The following ACOT12 variants were observed in gnomAD, a reference collection of about 807,000 sequenced individuals.
ACOT12 encodes the protein acyl-CoA thioesterase 12.
In ACOT12, 51 loss-of-function variants were observed where a neutral mutation model predicts 67.7. The observed-to-expected ratio is 0.75, with a 90% CI of 0.60 to 0.95. The LOEUF (loss-of-function observed/expected upper bound fraction) is 0.95, where lower values mean the gene tolerates loss of function less well. Ranked by LOEUF, ACOT12 falls within the 40% of genes least tolerant of loss-of-function variation. The probability of loss-of-function intolerance (pLI) is 0.00; values close to 1 mark genes in which losing one functional copy is unlikely to be tolerated. For synonymous variants in ACOT12, 251 were observed against 244.6 expected (o/e 1.03, Z -0.24); for missense variants, 734 against 708.1 (o/e 1.04, Z -0.41).
At chr5:81,333,445 T>C (rs1758896148) in intron 12 of ACOT12, among the ~76,000 whole-genome samples, 2 of 152,192 alleles carry the variant, frequency 1.3e-5, no homozygotes, top group South Asian at 2.1e-4. Context: ...TAGATAATGA[T>C]ACGTGGGGTT....
At chr5:81,393,730 C>CA (rs536007812) in intron 1 of ACOT12, among the ~76,000 whole-genome samples, 1 of 151,628 alleles carries the variant, frequency 6.6e-6, no homozygotes, top group African/African-American at 2.4e-5. Flanking sequence ...AACAAACAAA[C>CA]AAAAAACCCC....
intron 2 of ACOT12, among the ~76,000 whole-genome samples, chr5:81,380,699 C>T (rs1007892386): frequency 6.6e-5 from 10 of 151,804 alleles, no homozygotes; most frequent in Admixed American, 6.6e-4. Context: ...TATAAATGTT[C>T]ATCAGTGGAG....
the ACOT12 span, among the ~76,000 whole-genome samples, chr5:81,320,559 G>T: frequency 6.6e-6 from 1 of 152,116 alleles, no homozygotes; most frequent in African/African-American, 2.4e-5. Flanking sequence ...TAAAAAATCT[G>T]CTGGCAACGG....
chr5:81,373,560 G>A (rs186081211), intron 2 of ACOT12, among the ~76,000 whole-genome samples: 30 of 152,296 alleles, frequency 2.0e-4, no homozygotes, highest in Admixed American at 1.6e-3. Context: ...CCAGGGAGCC[G>A]AGTGGTCTGG....
At chr5:81,353,745 G>A (rs561301417) in intron 5 of ACOT12, among the ~76,000 whole-genome samples, 11 of 151,996 alleles carry the variant, frequency 7.2e-5, no homozygotes, top group African/African-American at 2.2e-4. Context: ...CTTTTCTTCC[G>A]AAAGGATATG....
intron 4 of ACOT12, among the ~76,000 whole-genome samples, chr5:81,362,367 T>G (rs1759940755): frequency 6.6e-6 from 1 of 152,064 alleles, no homozygotes; most frequent in Non-Finnish European, 1.5e-5. Context: ...GGTTTCTCCA[T>G]GTTGGCCAGG....
chr5:81,332,507 AG>A lies in ACOT12; in HGVS notation c.1360del (p.Leu454SerfsTer18). 6.2e-7 allele frequency: 1 copy of A among 1,614,086 alleles called. No homozygotes were observed. The highest frequency in any genetic ancestry group is 8.5e-7 in the Non-Finnish European group (1 of 1,179,996). On this transcript the variant is annotated frameshift_variant, in exon 13 of 15. Transcript: ENST00000307624. LOFTEE classifies it high-confidence loss of function. ...TTTGAGGGGTTTTCTTCGTGATACG[AG>A]TACTACCAAGTCTTTGGGTTTGTCA... is the stretch of plus-strand genomic sequence containing the variant. The part of the protein sequence containing the change: ...NDDKPKDLVV[L>X]VSRRKPLKDG...
intron 12 of ACOT12, among the ~76,000 whole-genome samples, chr5:81,333,833 G>A (rs1758908184): frequency 6.6e-6 from 1 of 152,174 alleles, no homozygotes; most frequent in South Asian, 2.1e-4. Flanking sequence ...CTCCACCCTC[G>A]GGCCTGTGCC....
intron 1 of ACOT12, among the ~76,000 whole-genome samples, chr5:81,393,135 A>G (rs1760907134): frequency 6.6e-6 from 1 of 152,238 alleles, no homozygotes; most frequent in Non-Finnish European, 1.5e-5. Flanking sequence ...GGAGTTTTCC[A>G]GAGACTACAT....
chr5:81,368,375 A>C (rs1372586953), intron 3 of ACOT12, among the ~76,000 whole-genome samples: 1 of 152,192 alleles, frequency 6.6e-6, no homozygotes, highest in African/African-American at 2.4e-5. Context: ...AGAATACTTC[A>C]TTGACTATAA....
intron 5 of ACOT12, among the ~76,000 whole-genome samples, chr5:81,357,418 G>A (rs1337213716): frequency 1.3e-5 from 2 of 152,114 alleles, no homozygotes; most frequent in Non-Finnish European, 2.9e-5. Flanking sequence ...ACCAGTCAGT[G>A]TGGAAGTCTT....
the ACOT12 span, among the ~76,000 whole-genome samples, chr5:81,316,646 G>A: frequency 6.6e-6 from 1 of 152,168 alleles, no homozygotes; most frequent in Non-Finnish European, 1.5e-5. Flanking sequence ...ATTTTTCAAA[G>A]TGACTATACC....
chr5:81,338,911 T>C (rs1018696562), intron 11 of ACOT12, among the ~76,000 whole-genome samples: 1 of 152,094 alleles, frequency 6.6e-6, no homozygotes, highest in Non-Finnish European at 1.5e-5. Context: ...TGAAACCCTG[T>C]CTCTACTGAA....
intron 12 of ACOT12, 82 bp from the exon 13 acceptor site, chr5:81,332,687 A>G (rs930479627): frequency 1.3e-6 from 2 of 1,518,218 alleles, no homozygotes; most frequent in Admixed American, 1.7e-5. Flanking sequence ...ACATAATCTC[A>G]TTATTTGTAT....
chr5:81,343,739 A>C, intron 10 of ACOT12, 79 bp downstream of exon 10: 15 of 1,400,698 alleles, frequency 1.1e-5, no homozygotes, highest in Non-Finnish European at 1.3e-5. Flanking sequence ...GGCACAGCCT[A>C]GGCCAGTTAG....
chr5:81,338,781 G>T (rs1269276195), intron 11 of ACOT12, among the ~76,000 whole-genome samples: 1 of 152,042 alleles, frequency 6.6e-6, no homozygotes, highest in Non-Finnish European at 1.5e-5. Flanking sequence ...GATTCTTTTT[G>T]AATTTGAATT....
the ACOT12 span, chr5:81,311,154 T>C: frequency 1.2e-5 from 19 of 1,578,988 alleles, no homozygotes; most frequent in South Asian, 2.0e-4. Context: ...TGCTTTGAGA[T>C]GTTAAAAACC....
At chr5:81,352,123 G>A (rs759909922) in intron 5 of ACOT12, among the ~76,000 whole-genome samples, 14 of 152,204 alleles carry the variant, frequency 9.2e-5, no homozygotes, top group African/African-American at 3.1e-4. Context: ...TGGTAAGGAT[G>A]TGGAGAAAAG....
chr5:81,338,839 T>TG (rs1759095416), intron 11 of ACOT12, among the ~76,000 whole-genome samples: 1 of 152,192 alleles, frequency 6.6e-6, no homozygotes, highest in South Asian at 2.1e-4. Context: ...CCCAACACTT[T>TG]GGGAGGCCGA....
Sources: gnomAD v4.1 joint callset for allele counts (sites outside exome capture counted in the v4.1 genomes callset) on GRCh38, gnomAD v4.1.1 for gene constraint, MANE v1.5 for transcripts, NCBI Gene and HGNC (gene_info 2026-07-23, HGNC 2026-07-21) for gene names.